Variants in TTC29 observed in about 807,000 individuals in gnomAD.
TTC29 encodes the protein tetratricopeptide repeat protein 29.
Under a neutral mutation model 58.1 loss-of-function variants are expected in TTC29, and 49 were observed. The observed-to-expected ratio is 0.84, with a 90% CI of 0.67 to 1.07. The LOEUF (loss-of-function observed/expected upper bound fraction) is 1.07. Ranked by LOEUF, TTC29 falls within the 50% of genes least tolerant of loss-of-function variation. The pLI is 0.00. For synonymous variants in TTC29, 209 were observed against 196.8 expected (o/e 1.06, Z -0.52); for missense variants, 582 against 555.6 (o/e 1.05, Z -0.48).
At chr4:146,892,512 T>G (rs540411382) in intron 6 of TTC29, among the ~76,000 whole-genome samples, 12 of 152,270 alleles carry the variant, frequency 7.9e-5, no homozygotes, top group African/African-American at 2.4e-4. Context: ...CTCAATAAAT[T>G]AGGTATTGAT....
chr4:146,807,965 A>G (rs972622222), intron 10 of TTC29, among the ~76,000 whole-genome samples: 1 of 152,220 alleles, frequency 6.6e-6, no homozygotes, highest in Non-Finnish European at 1.5e-5. Context: ...AATATCCCTG[A>G]TGAACATTGA....
intron 6 of TTC29, among the ~76,000 whole-genome samples, chr4:146,878,784 T>C (rs1193909779): frequency 6.6e-6 from 1 of 152,180 alleles, no homozygotes; most frequent in Non-Finnish European, 1.5e-5. Context: ...AAAACACAGA[T>C]GTGAGCCCCT....
Position 146,909,186 on chromosome 4 carries a change from G to A in TTC29, c.240C>T (p.Ser80=). Residue 80 remains serine, a synonymous_variant, in exon 5 of 13, where the codon TCC becomes TCT. Transcript: ENST00000325106. ...VDMLRDGYHK[S]FTELFALMER... is the part of the protein sequence containing the mutation. ...CCATCAGAGCGAAGAGCTCGGTGAA[G>A]GACTTATGATAACCATCTCGCAGCA... 6.2e-7 allele frequency: 1 copy of A among 1,613,738 alleles called. No individual in the cohort carries two copies. The highest frequency in any genetic ancestry group is 2.2e-5 in the East Asian group (1 of 44,800).
chr4:146,927,089 A>AAAAAG (rs2150312494), intron 4 of TTC29, among the ~76,000 whole-genome samples: 1 of 151,770 alleles, frequency 6.6e-6, no homozygotes, highest in Non-Finnish European at 1.5e-5. Context: ...TCAAAAAAAA[A>AAAAAG]AAAAAGAAAA....
intron 11 of TTC29, among the ~76,000 whole-genome samples, chr4:146,788,995 C>T (rs112696291): frequency 0.044 from 6,648 of 152,166 alleles, 222 homozygotes; most frequent in South Asian, 0.14. Context: ...GGGATAGATG[C>T]ACTGAATAAA....
At chr4:146,722,409 CCAA>C (rs1743435857) in intron 11 of TTC29, among the ~76,000 whole-genome samples, 1 of 152,120 alleles carries the variant, frequency 6.6e-6, no homozygotes, top group South Asian at 2.1e-4. Flanking sequence ...ACTACACTAC[CCAA>C]CTTCAAACTA....
chr4:146,769,632 G>A (rs934406391), intron 11 of TTC29, among the ~76,000 whole-genome samples: 2 of 152,050 alleles, frequency 1.3e-5, no homozygotes, highest in African/African-American at 2.4e-5. Context: ...CTGAACAGAT[G>A]TGTTGTCTGT....
chr4:146,734,543 G>A (rs560632818), intron 11 of TTC29, among the ~76,000 whole-genome samples: 3 of 152,112 alleles, frequency 2.0e-5, no homozygotes, highest in Non-Finnish European at 2.9e-5. Flanking sequence ...CAGGACTTGC[G>A]ACAGGTGTCT....
chr4:146,748,401 A>T (rs967290490), intron 11 of TTC29, among the ~76,000 whole-genome samples: 3 of 152,168 alleles, frequency 2.0e-5, no homozygotes, highest in Non-Finnish European at 4.4e-5. Flanking sequence ...TGAGCCCAGG[A>T]ACCTGGCTCC....
intron 6 of TTC29, among the ~76,000 whole-genome samples, chr4:146,886,982 T>C (rs1239401615): frequency 2.6e-5 from 4 of 152,176 alleles, no homozygotes; most frequent in African/African-American, 7.2e-5. Flanking sequence ...TACTTCATGA[T>C]TCCACTTACT....
intron 7 of TTC29, among the ~76,000 whole-genome samples, chr4:146,870,855 T>C (rs181588644): frequency 7.2e-5 from 11 of 152,112 alleles, no homozygotes; most frequent in Admixed American, 2.0e-4. Flanking sequence ...ATTTAAAAAC[T>C]TCCCATGAAG....
chr4:146,882,528 A>G (rs1231500093), intron 6 of TTC29, among the ~76,000 whole-genome samples: 1 of 152,158 alleles, frequency 6.6e-6, no homozygotes, highest in African/African-American at 2.4e-5. Flanking sequence ...GTCGATAGGT[A>G]TAAACATCTG....
At chr4:146,909,647 T>C (rs1379659702) in intron 4 of TTC29, among the ~76,000 whole-genome samples, 1 of 152,212 alleles carries the variant, frequency 6.6e-6, no homozygotes, top group African/African-American at 2.4e-5. Flanking sequence ...ATTCTCTCTA[T>C]ATTAGTAGTT....
At chr4:146,843,666 C>T (rs1728991668) in intron 8 of TTC29, among the ~76,000 whole-genome samples, 1 of 152,124 alleles carries the variant, frequency 6.6e-6, no homozygotes, top group Non-Finnish European at 1.5e-5. Context: ...CAAATGGTCT[C>T]AAATTCTCCC....
At chr4:146,780,165 T>C (rs975373484) in intron 11 of TTC29, among the ~76,000 whole-genome samples, 1 of 152,140 alleles carries the variant, frequency 6.6e-6, no homozygotes, top group African/African-American at 2.4e-5. Context: ...GTACTTCTTT[T>C]CAAAGTACTT....
intron 11 of TTC29, among the ~76,000 whole-genome samples, chr4:146,769,916 G>A (rs963967086): frequency 1.3e-5 from 2 of 151,948 alleles, no homozygotes; most frequent in Admixed American, 1.3e-4. Flanking sequence ...AGCTTTTTGT[G>A]TCTGTTTGTT....
intron 5 of TTC29, among the ~76,000 whole-genome samples, chr4:146,905,571 G>A (rs941927323): frequency 1.3e-5 from 2 of 151,746 alleles, no homozygotes; most frequent in African/African-American, 4.8e-5. Context: ...TCAAATCTTT[G>A]GGCAATCCAA....
chr4:146,797,100 A>T (rs746553495), intron 11 of TTC29, among the ~76,000 whole-genome samples: 1 of 152,210 alleles, frequency 6.6e-6, no homozygotes, highest in Non-Finnish European at 1.5e-5. Flanking sequence ...CAAAGAAGAG[A>T]CTGATGAGCA....
intron 7 of TTC29, among the ~76,000 whole-genome samples, chr4:146,873,126 C>T (rs992096205): frequency 7.9e-5 from 12 of 152,052 alleles, no homozygotes; most frequent in South Asian, 2.1e-4. Context: ...AAGGAATTGG[C>T]CAACGGTTGG....
Sources: allele counts gnomAD v4.1 joint callset (sites outside exome capture counted in the v4.1 genomes callset), GRCh38; gene constraint gnomAD v4.1.1; transcripts MANE v1.5; gene names NCBI Gene and HGNC (gene_info 2026-07-23, HGNC 2026-07-21).